Variants in PTPRD observed in about 807,000 individuals in gnomAD.
PTPRD encodes the protein protein tyrosine phosphatase receptor type D.
Under a neutral mutation model 214.5 loss-of-function variants are expected in PTPRD, and 34 were observed. The ratio of observed to expected loss-of-function variants is 0.16; its 90% confidence interval spans 0.12 to 0.21. The LOEUF (loss-of-function observed/expected upper bound fraction) is 0.21. PTPRD is among the 10% of genes least tolerant of loss of function. The pLI, the probability that PTPRD is intolerant of heterozygous loss-of-function variation, is 1.00. For synonymous variants in PTPRD, 1,128 were observed against 845.7 expected (o/e 1.33, Z -5.79); for missense variants, 2,545 against 2,398.7 (o/e 1.06, Z -1.27).
intron 12 of PTPRD, among the ~76,000 whole-genome samples, chr9:8,670,603 C>A (rs963301533): frequency 6.6e-6 from 1 of 152,112 alleles, no homozygotes; most frequent in Non-Finnish European, 1.5e-5. Flanking sequence ...CCCATACTTT[C>A]GCGTTCTAAA....
At chr9:10,060,075 T>C (rs916528385) in intron 3 of PTPRD, among the ~76,000 whole-genome samples, 1 of 152,042 alleles carries the variant, frequency 6.6e-6, no homozygotes, top group Admixed American at 6.6e-5. Context: ...TGACAACCAA[T>C]ATTCAAAGAA....
chr9:9,019,360 G>GAAAGAAAGAAAGAAAGAAAGAA (rs879330252), intron 10 of PTPRD, among the ~76,000 whole-genome samples: 33 of 149,718 alleles, frequency 2.2e-4, no homozygotes, highest in African/African-American at 7.9e-4. Flanking sequence ...AAGAAAGAAA[G>GAAAGAAAGAAAGAAAGAAAGAA]AATCTGAATT....
intron 3 of PTPRD, among the ~76,000 whole-genome samples, chr9:10,097,139 A>C: frequency 6.9e-6 from 1 of 145,496 alleles, no homozygotes; most frequent in Non-Finnish European, 1.5e-5. Flanking sequence ...TGGTTACTGT[A>C]GCCTTGTAGT....
At chr9:9,057,746 T>C (rs1018568987) in intron 10 of PTPRD, among the ~76,000 whole-genome samples, 3 of 152,330 alleles carry the variant, frequency 2.0e-5, no homozygotes, top group African/African-American at 7.2e-5. Flanking sequence ...TTCCCAATTC[T>C]TGGTTATCTA....
chr9:8,678,003 C>T (rs1341833230), intron 12 of PTPRD, among the ~76,000 whole-genome samples: 2 of 152,170 alleles, frequency 1.3e-5, no homozygotes, highest in African/African-American at 4.8e-5. Flanking sequence ...TTGTGTCTCT[C>T]TCTCCTGCTA....
chr9:9,046,946 G>C (rs146627153), intron 10 of PTPRD, among the ~76,000 whole-genome samples: 1 of 152,032 alleles, frequency 6.6e-6, no homozygotes, highest in Non-Finnish European at 1.5e-5. Context: ...AGAAATAAAA[G>C]GCATCCAAAT....
chr9:9,737,058 C>A (rs1173675012), intron 6 of PTPRD, among the ~76,000 whole-genome samples: 1 of 152,020 alleles, frequency 6.6e-6, no homozygotes, highest in Non-Finnish European at 1.5e-5. Context: ...CCTTTCACGT[C>A]TAATCCAAAA....
At chr9:8,801,855 A>AT (rs1331064767) in intron 11 of PTPRD, among the ~76,000 whole-genome samples, 8 of 152,188 alleles carry the variant, frequency 5.3e-5, no homozygotes, top group African/African-American at 1.9e-4. Flanking sequence ...CCTTAATGGT[A>AT]TTACCACAGT....
chr9:8,408,629 A>AT (rs2093252817), intron 35 of PTPRD, among the ~76,000 whole-genome samples: 1 of 152,214 alleles, frequency 6.6e-6, no homozygotes, highest in South Asian at 2.1e-4. Context: ...ACTTCGTCGT[A>AT]TTTTTTGTGT....
At chr9:8,973,624 C>A (rs2099251899) in intron 11 of PTPRD, among the ~76,000 whole-genome samples, 1 of 151,970 alleles carries the variant, frequency 6.6e-6, no homozygotes, top group South Asian at 2.1e-4. Flanking sequence ...GTTTTAAGTT[C>A]TTTGAGAAAT....
Position 9,947,694 on chromosome 9 carries a change from G to A in PTPRD, c.-471-9084C>T, listed in dbSNP as rs541204766. The stretch of plus-strand genomic sequence containing the variant: ...TAGTAAAAGGTCAAGTTAGATTTTC[G>A]TTCTGATTTTTGGTTCTAAGGACTA... On this transcript the variant is annotated intron_variant, in intron 4 of 45. Coordinates refer to ENST00000381196, the MANE Select transcript of PTPRD (RefSeq NM_002839.4). Among the ~76,000 whole-genome samples the A allele has an allele frequency of 1.1e-3, 136 of 120,628 alleles. No homozygotes were observed. In the Middle Eastern group the frequency reaches 0.021, roughly 18 times the overall value. 79.1% of individuals were successfully genotyped at this position (120,628 alleles called of 152,430 possible).
intron 11 of PTPRD, among the ~76,000 whole-genome samples, chr9:8,803,385 G>A (rs187185865): frequency 6.6e-6 from 1 of 152,224 alleles, no homozygotes; most frequent in East Asian, 1.9e-4. Flanking sequence ...AATTAGTTTT[G>A]CCGATGAGAA....
chr9:8,729,034 G>T (rs927477082), intron 12 of PTPRD, among the ~76,000 whole-genome samples: 3 of 152,038 alleles, frequency 2.0e-5, no homozygotes, highest in African/African-American at 7.2e-5. Context: ...CATATCAATG[G>T]CCACTCACTC....
chr9:9,236,303 C>T (rs928148389), intron 9 of PTPRD, among the ~76,000 whole-genome samples: 3 of 151,980 alleles, frequency 2.0e-5, no homozygotes, highest in Non-Finnish European at 4.4e-5. Context: ...TTTGAGAGAG[C>T]TCTCATCCCA....
chr9:9,093,355 C>T (rs533838050), intron 10 of PTPRD, among the ~76,000 whole-genome samples: 3 of 151,928 alleles, frequency 2.0e-5, no homozygotes, highest in South Asian at 2.1e-4. Flanking sequence ...TTGATAGAAC[C>T]CTCTATCCAA....
chr9:9,467,656 T>C (rs1340130471), intron 8 of PTPRD, among the ~76,000 whole-genome samples: 1 of 150,842 alleles, frequency 6.6e-6, no homozygotes, highest in East Asian at 1.9e-4. Flanking sequence ...AAATAGCATG[T>C]TTACTATCGA....
chr9:8,667,972 C>G (rs904522916), intron 12 of PTPRD, among the ~76,000 whole-genome samples: 2 of 152,092 alleles, frequency 1.3e-5, no homozygotes, highest in African/African-American at 4.8e-5. Flanking sequence ...AAAATAAAAA[C>G]TAAGAAGAAA....
intron 5 of PTPRD, among the ~76,000 whole-genome samples, chr9:9,929,409 T>A (rs912244220): frequency 6.6e-6 from 1 of 152,170 alleles, no homozygotes; most frequent in Non-Finnish European, 1.5e-5. Context: ...ACTTGTTTTT[T>A]GAGACAGAGT....
intron 4 of PTPRD, among the ~76,000 whole-genome samples, chr9:9,953,554 C>A (rs1047415826): frequency 1.3e-5 from 2 of 151,794 alleles, no homozygotes; most frequent in African/African-American, 2.4e-5. Flanking sequence ...GGTTTTGTTT[C>A]TCTGGAGAAT....
Sources: gnomAD v4.1 joint callset for allele counts (sites outside exome capture counted in the v4.1 genomes callset) on GRCh38, gnomAD v4.1.1 for gene constraint, MANE v1.5 for transcripts, NCBI Gene and HGNC (gene_info 2026-07-23, HGNC 2026-07-21) for gene names.